The following IL1RAPL2 variants were observed in gnomAD, a reference collection of about 807,000 sequenced individuals.
IL1RAPL2 encodes interleukin 1 receptor accessory protein like 2.
In IL1RAPL2, 3 loss-of-function variants were observed where a neutral mutation model predicts 44.1. The observed-to-expected ratio is 0.07, with a 90% CI of 0.03 to 0.18. IL1RAPL2 has a LOEUF of 0.18. Among genes scored for constraint, IL1RAPL2 ranks in the 10% least tolerant of loss-of-function variants. The pLI, the probability that IL1RAPL2 is intolerant of heterozygous loss-of-function variation, is 1.00. For missense variants in IL1RAPL2, 391 were observed against 496.4 expected (o/e 0.79, Z 2.02); for synonymous variants, 181 against 178.8 (o/e 1.01, Z -0.10).
At chrX:104,982,870 T>G (rs1171363438) in intron 2 of IL1RAPL2, among the ~76,000 whole-genome samples, 1 of 111,590 alleles carries the variant, frequency 9.0e-6, no homozygotes, top group Non-Finnish European at 1.9e-5. Context: ...TTGTAATTGC[T>G]ACTTTTAAGT....
chrX:105,238,497 AT>A lies in IL1RAPL2; in HGVS notation c.543+4505del, dbSNP rs372315608. ...AAGGTGTGAACAAGGACTTCAGGTC[AT>A]TTTTTTTTTTTGTAAGGGTTAGAGT... On this transcript the variant is annotated intron_variant, in intron 4 of 10. Coordinates refer to ENST00000372582, the MANE Select transcript of IL1RAPL2 (RefSeq NM_017416.2). Among the ~76,000 whole-genome samples the A allele has an allele frequency of 8.0e-3, 830 of 103,212 alleles. 9 individuals carry two copies. Among genetic ancestry groups the A allele is most frequent in the African/African-American group, 0.025 (729 of 28,696 alleles). 89.6% of individuals were successfully genotyped at this position (103,212 alleles called of 115,157 possible). A position where few individuals can be genotyped will look rare whatever the true frequency, so the allele number is the denominator to read the frequency against.
chrX:105,010,023 G>A (rs2031022255), intron 2 of IL1RAPL2, among the ~76,000 whole-genome samples: 1 of 110,792 alleles, frequency 9.0e-6, no homozygotes, highest in Admixed American at 9.6e-5. Flanking sequence ...TTTATCTTGT[G>A]TCTGTAAGGG....
chrX:105,550,066 T>C (rs1044059264), intron 6 of IL1RAPL2, among the ~76,000 whole-genome samples: 1 of 112,287 alleles, frequency 8.9e-6, no homozygotes, highest in Admixed American at 9.5e-5. Flanking sequence ...GGAATGGCAC[T>C]GCTTTACAAA....
intron 7 of IL1RAPL2, among the ~76,000 whole-genome samples, chrX:105,725,990 G>A (rs184437707): frequency 5.8e-4 from 64 of 110,992 alleles, no homozygotes; most frequent in African/African-American, 2.1e-3. Flanking sequence ...GAATACTATT[G>A]ATGATTCCAG....
At chrX:104,927,924 C>A (rs879043301) in intron 2 of IL1RAPL2, among the ~76,000 whole-genome samples, 2 of 112,203 alleles carry the variant, frequency 1.8e-5, no homozygotes, top group Non-Finnish European at 3.8e-5. Flanking sequence ...GAAACAGATG[C>A]TAGCATTCCC....
At chrX:104,674,022 T>C (rs963409736) in intron 2 of IL1RAPL2, among the ~76,000 whole-genome samples, 2 of 111,596 alleles carry the variant, frequency 1.8e-5, no homozygotes, top group Admixed American at 9.5e-5. Flanking sequence ...GTTTTCTAGA[T>C]ATACAATCAT....
At chrX:105,408,977 T>A (rs966540751) in intron 5 of IL1RAPL2, among the ~76,000 whole-genome samples, 3 of 111,574 alleles carry the variant, frequency 2.7e-5, no homozygotes, top group Middle Eastern at 4.2e-3. Context: ...TGAGCTTTAA[T>A]GCCATTATCT....
At chrX:105,479,790 T>TATA (rs1321380165) in intron 5 of IL1RAPL2, among the ~76,000 whole-genome samples, 20 of 108,912 alleles carry the variant, frequency 1.8e-4, no homozygotes, top group African/African-American at 6.4e-4. Flanking sequence ...AAATATAAAA[T>TATA]AAATAAAATA....
At chrX:105,414,252 C>T (rs1309321178) in intron 5 of IL1RAPL2, among the ~76,000 whole-genome samples, 3 of 110,690 alleles carry the variant, frequency 2.7e-5, no homozygotes, top group East Asian at 2.9e-4. Context: ...CTCAGCCTCC[C>T]GAGTAGCCGG....
At chrX:105,248,300 C>G (rs1008110933) in intron 4 of IL1RAPL2, among the ~76,000 whole-genome samples, 1 of 110,957 alleles carries the variant, frequency 9.0e-6, no homozygotes, top group Non-Finnish European at 1.9e-5. Context: ...AAAGAAGAGA[C>G]AAAATAATCT....
intron 2 of IL1RAPL2, among the ~76,000 whole-genome samples, chrX:104,961,797 A>G (rs1336310695): frequency 8.9e-6 from 1 of 112,031 alleles, no homozygotes; most frequent in Non-Finnish European, 1.9e-5. Flanking sequence ...TCTTAGCACA[A>G]TGCCTGGCCC....
At chrX:105,132,916 A>G (rs1569389185) in intron 2 of IL1RAPL2, among the ~76,000 whole-genome samples, 1 of 111,969 alleles carries the variant, frequency 8.9e-6, no homozygotes, top group East Asian at 2.8e-4. Flanking sequence ...TGCTGTTCTG[A>G]ACAGAAGAAA....
intron 5 of IL1RAPL2, among the ~76,000 whole-genome samples, chrX:105,428,576 T>A (rs905858695): frequency 8.9e-6 from 1 of 111,892 alleles, no homozygotes; most frequent in African/African-American, 3.2e-5. Context: ...CTTTTTGCAT[T>A]TAGCAAATGA....
At chrX:104,646,382 C>T (rs1041886883) in intron 1 of IL1RAPL2, among the ~76,000 whole-genome samples, 1 of 107,226 alleles carries the variant, frequency 9.3e-6, no homozygotes, top group Non-Finnish European at 1.9e-5. Context: ...TAAATTTTGA[C>T]GATGATATTG....
At chrX:105,067,944 A>G (rs1011239107) in intron 2 of IL1RAPL2, among the ~76,000 whole-genome samples, 1 of 112,309 alleles carries the variant, frequency 8.9e-6, no homozygotes, top group Non-Finnish European at 1.9e-5. Flanking sequence ...ATACTGAGGA[A>G]TACATGAATC....
intron 2 of IL1RAPL2, among the ~76,000 whole-genome samples, chrX:104,701,794 C>T (rs1931277707): frequency 9.0e-6 from 1 of 111,459 alleles, no homozygotes; most frequent in Non-Finnish European, 1.9e-5. Context: ...CACAAATAGT[C>T]CCAGTTGGTA....
chrX:105,012,221 T>C lies in IL1RAPL2; in HGVS notation c.83-183254T>C, dbSNP rs183706007. 3.6e-5 allele frequency among the ~76,000 whole-genome samples: 4 copies of C among 111,206 alleles called. No individual in the cohort carries two copies. The East Asian group carries it at 1.1e-3, about 32-fold the overall frequency. ...AGTGATTAATACAGGGTATAAATAATGGTGTCTGAATCTGTGCATCAAAGC... is the reference window on the plus strand; with the variant it reads ...AGTGATTAATACAGGGTATAAATAACGGTGTCTGAATCTGTGCATCAAAGC... On this transcript the variant is annotated intron_variant, in intron 2 of 10. Transcript: ENST00000372582.
chrX:104,921,855 A>G (rs1281086694), intron 2 of IL1RAPL2, among the ~76,000 whole-genome samples: 2 of 112,020 alleles, frequency 1.8e-5, no homozygotes, highest in Non-Finnish European at 1.9e-5. Flanking sequence ...TGTTGCCAGC[A>G]TTGAATACTG....
At position 105,264,628 on chromosome X, in the gene IL1RAPL2, TTGTC is replaced by T. The variant is rs757942564; in HGVS notation, c.544-2756_544-2753del. Reference sequence around the variant, plus strand: ...GAGGCAGGATGGGAACCTTTAGAAATTGTCTGTGTTGTATGACCACTCCTTATGG... The same window carrying T: ...GAGGCAGGATGGGAACCTTTAGAAATTGTGTTGTATGACCACTCCTTATGG... On this transcript the variant is annotated intron_variant, in intron 4 of 10. Coordinates refer to ENST00000372582, the MANE Select transcript of IL1RAPL2 (RefSeq NM_017416.2). 1.3e-3 allele frequency among the ~76,000 whole-genome samples: 150 copies of T among 111,715 alleles called. 1 individual carries two copies. Among genetic ancestry groups the T allele is most frequent in the Non-Finnish European group, 2.4e-3 (130 of 53,168 alleles).
Sources: allele counts gnomAD v4.1 joint callset (sites outside exome capture counted in the v4.1 genomes callset), GRCh38; gene constraint gnomAD v4.1.1; transcripts MANE v1.5; gene names NCBI Gene and HGNC (gene_info 2026-07-23, HGNC 2026-07-21).